DOP1A: variants seen among roughly 807,000 people sequenced by gnomAD.
DOP1A encodes the protein protein DOP1A.
Under a neutral mutation model 267.6 loss-of-function variants are expected in DOP1A, and 90 were observed. The observed-to-expected ratio is 0.34, with a 90% CI of 0.28 to 0.40. DOP1A has a LOEUF of 0.40. DOP1A is among the 10% of genes least tolerant of loss of function. The pLI, the probability that DOP1A is intolerant of heterozygous loss-of-function variation, is 1.00. For missense variants in DOP1A, 2,437 were observed against 2,900.4 expected (o/e 0.84, Z 3.67); for synonymous variants, 932 against 999.1 (o/e 0.93, Z 1.27).
chr6:83,115,370 A>T (rs1370961706), intron 7 of DOP1A, among the ~76,000 whole-genome samples: 1 of 152,194 alleles, frequency 6.6e-6, no homozygotes, highest in Non-Finnish European at 1.5e-5. Context: ...TCATTACCTC[A>T]CACAATTAAT....
At chr6:83,170,535 C>A, downstream of DOP1A, 1 of 1,376,234 alleles carries the variant, frequency 7.3e-7, no homozygotes, top group Non-Finnish European at 1.0e-6. Context: ...AGAAGCTTAA[C>A]CTGTTAAACA....
intron 1 of DOP1A, among the ~76,000 whole-genome samples, chr6:83,070,725 ATT>A (rs5877835): frequency 2.9e-4 from 44 of 150,122 alleles, no homozygotes; most frequent in East Asian, 2.0e-3. Flanking sequence ...TCCTTTTCAC[ATT>A]TTTTTTTTTC....
intron 6 of DOP1A, 137 bp downstream of exon 6, chr6:83,110,451 G>A (rs1213484665): frequency 3.6e-6 from 3 of 832,526 alleles, no homozygotes; most frequent in Non-Finnish European, 5.2e-6. Flanking sequence ...GAAAATTAAA[G>A]GCCAAAATAA....
At chr6:83,170,981 G>C (rs1786972217), downstream of DOP1A, 1 of 153,768 alleles carries the variant, frequency 6.5e-6, no homozygotes, top group South Asian at 2.0e-4. Context: ...AGTACTCTGT[G>C]AACTAAACAT....
At chr6:83,135,280 G>A (rs548749340) in intron 19 of DOP1A, among the ~76,000 whole-genome samples, 5 of 152,086 alleles carry the variant, frequency 3.3e-5, no homozygotes, top group South Asian at 2.1e-4. Flanking sequence ...CCGACTTGCC[G>A]AAGGCTCAGT....
At chr6:83,102,211 A>G (rs1772717411) in intron 4 of DOP1A, among the ~76,000 whole-genome samples, 1 of 152,226 alleles carries the variant, frequency 6.6e-6, no homozygotes, top group African/African-American at 2.4e-5. Flanking sequence ...TGGTATCACC[A>G]TCTATCCATT....
chr6:83,161,215 T>C (rs2128415754), intron 37 of DOP1A: 1 of 152,236 alleles, frequency 6.6e-6, no homozygotes, highest in African/African-American at 2.4e-5. Flanking sequence ...CCAAAATCAG[T>C]TTATCCTCTT....
intron 38 of DOP1A, chr6:83,166,202 C>T: frequency 2.0e-6 from 1 of 509,046 alleles, no homozygotes; most frequent in South Asian, 3.9e-5. Context: ...TTCACCTTTT[C>T]AATTTGCTTC....
intron 3 of DOP1A, among the ~76,000 whole-genome samples, chr6:83,099,708 G>A (rs369067330): frequency 4.4e-4 from 32 of 72,054 alleles, no homozygotes; most frequent in Admixed American, 9.7e-4. Flanking sequence ...GTGTGTGTGT[G>A]TATATACATA....
intron 1 of DOP1A, among the ~76,000 whole-genome samples, chr6:83,077,526 A>G (rs1163179258): frequency 2.0e-5 from 3 of 151,576 alleles, no homozygotes; most frequent in Admixed American, 2.0e-4. Flanking sequence ...TTTTTTTTTA[A>G]TTAGCTAGGC....
intron 3 of DOP1A, among the ~76,000 whole-genome samples, chr6:83,099,241 A>G (rs1013725485): frequency 5.3e-5 from 8 of 152,200 alleles, no homozygotes; most frequent in African/African-American, 1.7e-4. Context: ...TACGACAGAT[A>G]ATCACTTTGA....
intron 1 of DOP1A, among the ~76,000 whole-genome samples, chr6:83,095,528 G>T (rs1467903792): frequency 6.6e-6 from 1 of 152,108 alleles, no homozygotes; most frequent in African/African-American, 2.4e-5. Context: ...CTAGAGAAAG[G>T]TACCAAGTTA....
At chr6:83,125,871 T>A (rs1232729293) in intron 15 of DOP1A, 138 bp downstream of exon 15, 2 of 724,274 alleles carry the variant, frequency 2.8e-6, no homozygotes, top group Non-Finnish European at 4.3e-6. Context: ...GTTAGTAGGC[T>A]TGTAGGCTTT....
Position 83,135,885 on chromosome 6 carries a change from AAC to A in DOP1A, c.3130+11_3130+12del, listed in dbSNP as rs1378653162. Reference sequence around the variant, plus strand: ...AATTTTGCCTGCAGCAATGGTGAATAACACATAGAAGTAGACAGCTTTATTTA... The same window carrying A: ...AATTTTGCCTGCAGCAATGGTGAATAACATAGAAGTAGACAGCTTTATTTA... On this transcript the variant is annotated splice_region_variant and intron_variant, in intron 20 of 38. Transcript: ENST00000349129. The A allele has an allele frequency of 3.7e-6, 6 of 1,612,868 alleles. No homozygotes were observed. The African/African-American group carries it at 8.0e-5, about 22-fold the overall frequency.
chr6:83,087,431 A>G (rs1303883065), intron 1 of DOP1A, among the ~76,000 whole-genome samples: 1 of 152,134 alleles, frequency 6.6e-6, no homozygotes, highest in Non-Finnish European at 1.5e-5. Flanking sequence ...AAAAAAAAAC[A>G]TGTAGTTGAG....
At chr6:83,096,509 T>C (rs999063411) in intron 1 of DOP1A, among the ~76,000 whole-genome samples, 2 of 151,068 alleles carry the variant, frequency 1.3e-5, no homozygotes, top group African/African-American at 4.9e-5. Context: ...CTCCGAATCA[T>C]TTATTTGTTT....
chr6:83,158,479 T>C lies in DOP1A; in HGVS notation c.6742-88T>C, dbSNP rs1207630496. ...CTGAAAATGTATTCTAAAATTTGTTTTTGCGTTAATGAAAATACAACTTAA... is the reference window on the plus strand; with the variant it reads ...CTGAAAATGTATTCTAAAATTTGTTCTTGCGTTAATGAAAATACAACTTAA... On this transcript the variant is annotated intron_variant, in intron 35 of 38. Coordinates refer to ENST00000349129, the MANE Select transcript of DOP1A (RefSeq NM_015018.4). 1.0e-4 allele frequency: 105 copies of C among 1,047,448 alleles called. 1 individual carries two copies. The highest frequency in any genetic ancestry group is 1.5e-5 in the Non-Finnish European group (11 of 712,268). The allele number at this position is 1,047,448 out of a possible 1,614,324, so 64.9% of individuals were successfully genotyped here.
At chr6:83,098,369 G>A (rs981086533) in intron 3 of DOP1A, among the ~76,000 whole-genome samples, 1 of 152,190 alleles carries the variant, frequency 6.6e-6, no homozygotes, top group Non-Finnish European at 1.5e-5. Context: ...CAGTTCTACA[G>A]TAGATACCAG....
At position 83,120,713 on chromosome 6, in the gene DOP1A, T is replaced by C; in HGVS notation, c.1021T>C (p.Phe341Leu). 2 of 1,588,316 alleles carry C rather than the reference T, an allele frequency of 1.3e-6. No individual in the cohort carries two copies. Among genetic ancestry groups the C allele is most frequent in the Admixed American group, 1.7e-5 (1 of 59,864 alleles). Reference protein sequence around the residue: ...AMVGILQVNGFGEENTLMQDL... With the variant: ...AMVGILQVNGLGEENTLMQDL... The stretch of plus-strand genomic sequence containing the variant: ...GGTGGGAATCTTACAAGTGAATGGA[T>C]TTGGAGAAGAGAACACTCTAATGCA... The change falls in exon 10 of 39, where the codon TTT (phenylalanine) becomes CTT (leucine). Residue 341 changes from phenylalanine to leucine, a missense_variant. By Grantham distance (22) the Phe-to-Leu change is conservative (BLOSUM62 0). This residue lies in a region of DOP1A where 498 missense variants were observed against 513.5 expected (regional missense o/e 0.97). Transcript: ENST00000349129.
Sources: gnomAD v4.1 joint callset for allele counts (sites outside exome capture counted in the v4.1 genomes callset) on GRCh38, gnomAD v4.1.1 for gene constraint, gnomAD v4.1.1 regional missense constraint, MANE v1.5 for transcripts, NCBI Gene and HGNC (gene_info 2026-07-23, HGNC 2026-07-21) for gene names.